CLNK: variants seen among roughly 807,000 people sequenced by gnomAD.
CLNK encodes the protein cytokine dependent hematopoietic cell linker.
CLNK carries 74 observed loss-of-function variants against 68.6 expected under a neutral mutation model. That is an observed-to-expected ratio of 1.08 (90% CI 0.89 to 1.31). The LOEUF (loss-of-function observed/expected upper bound fraction) is 1.31. CLNK is among the 50% of genes most tolerant of loss of function. CLNK has a pLI of 0.00. For missense variants in CLNK, 553 were observed against 515.3 expected (o/e 1.07, Z -0.71); for synonymous variants, 198 against 172.2 (o/e 1.15, Z -1.17).
chr4:10,515,093 C>G (rs1488703537), intron 15 of CLNK, among the ~76,000 whole-genome samples: 1 of 152,054 alleles, frequency 6.6e-6, no homozygotes, highest in Non-Finnish European at 1.5e-5. Context: ...CAAAAATTAT[C>G]CGGGCATGGT....
chr4:10,641,112 G>C (rs10027988), intron 2 of CLNK, among the ~76,000 whole-genome samples: 49,980 of 152,090 alleles, frequency 0.33, 9,521 homozygotes, highest in African/African-American at 0.53. Context: ...CATGTTTAAA[G>C]TTTCTAGCAT....
intron 16 of CLNK, among the ~76,000 whole-genome samples, chr4:10,509,219 A>G (rs1379883024): frequency 6.6e-6 from 1 of 152,190 alleles, no homozygotes; most frequent in East Asian, 1.9e-4. Context: ...TCCACTGGAA[A>G]GTAAACCTGA....
rs563292772 is a variant in CLNK at position 10,658,389 on chromosome 4, C to T, written c.11+9470G>A. Among the ~76,000 whole-genome samples the T allele has an allele frequency of 3.3e-5, 5 of 152,322 alleles. No homozygotes were observed. The East Asian group carries it at 9.6e-4, about 29-fold the overall frequency. Reference sequence around the variant, plus strand: ...GCCAGCCGACAGTATCTGTTCCAGTCATCTGTTGCTGCCTAACACACCACT... The same window carrying T: ...GCCAGCCGACAGTATCTGTTCCAGTTATCTGTTGCTGCCTAACACACCACT... On this transcript the variant is annotated intron_variant, in intron 2 of 18. Coordinates refer to ENST00000226951, the MANE Select transcript of CLNK (RefSeq NM_052964.4).
intron 2 of CLNK, among the ~76,000 whole-genome samples, chr4:10,637,430 TA>T (rs752094762): frequency 8.2e-6 from 1 of 121,334 alleles, no homozygotes; most frequent in East Asian, 2.3e-4. Context: ...TAAGCAACAA[TA>T]AAAAAAGTTT....
intron 3 of CLNK, among the ~76,000 whole-genome samples, chr4:10,587,762 A>T (rs770839758): frequency 3.3e-5 from 5 of 152,198 alleles, no homozygotes; most frequent in South Asian, 4.1e-4. Flanking sequence ...CCCAATCCAC[A>T]GAGCCTCTAA....
At chr4:10,583,522 T>G (rs1423343205) in intron 4 of CLNK, among the ~76,000 whole-genome samples, 1 of 151,598 alleles carries the variant, frequency 6.6e-6, no homozygotes, top group Non-Finnish European at 1.5e-5. Flanking sequence ...CCTGACCTTG[T>G]GATCCGCCTG....
At chr4:10,703,248 A>G in the CLNK span, among the ~76,000 whole-genome samples, 3 of 152,310 alleles carry the variant, frequency 2.0e-5, no homozygotes, top group South Asian at 6.2e-4. Flanking sequence ...TATGAACACT[A>G]AAGAACACTA....
intron 3 of CLNK, among the ~76,000 whole-genome samples, chr4:10,592,379 C>A (rs1394947806): frequency 1.3e-5 from 2 of 152,150 alleles, no homozygotes; most frequent in Non-Finnish European, 2.9e-5. Context: ...ATTTGCCAGA[C>A]ATGTTTTAGC....
intron 1 of CLNK, among the ~76,000 whole-genome samples, chr4:10,677,125 C>CA (rs1724907639): frequency 6.6e-6 from 1 of 151,782 alleles, no homozygotes; most frequent in Admixed American, 6.6e-5. Context: ...GTACTGAAGG[C>CA]AAATTTTAGA....
intron 2 of CLNK, among the ~76,000 whole-genome samples, chr4:10,617,272 C>T (rs1000644857): frequency 1.3e-5 from 2 of 152,148 alleles, no homozygotes; most frequent in Non-Finnish European, 2.9e-5. Context: ...ATTTGTTTAT[C>T]TGTTCTCTAA....
intron 1 of CLNK, among the ~76,000 whole-genome samples, chr4:10,680,121 T>C (rs1282026213): frequency 4.6e-5 from 7 of 152,070 alleles, no homozygotes; most frequent in Admixed American, 4.6e-4. Flanking sequence ...CCAACCTAAA[T>C]GTCCAACAAT....
intron 8 of CLNK, among the ~76,000 whole-genome samples, chr4:10,550,219 C>A (rs137916794): frequency 6.6e-6 from 1 of 152,272 alleles, no homozygotes; most frequent in East Asian, 1.9e-4. Flanking sequence ...ATAGGCCAGG[C>A]GCGGTGGCTC....
At chr4:10,721,278 T>A in the CLNK span, among the ~76,000 whole-genome samples, 25 of 152,246 alleles carry the variant, frequency 1.6e-4, 1 homozygote, top group East Asian at 4.6e-3. Context: ...ATCGACTGCA[T>A]GCCCTGATGG....
At chr4:10,574,386 C>T (rs1720471718) in intron 4 of CLNK, among the ~76,000 whole-genome samples, 1 of 152,190 alleles carries the variant, frequency 6.6e-6, no homozygotes. Context: ...TGCAAGACTC[C>T]TGCTCAGTCA....
intron 2 of CLNK, among the ~76,000 whole-genome samples, chr4:10,614,702 C>T: frequency 6.6e-6 from 1 of 152,198 alleles, no homozygotes; most frequent in East Asian, 1.9e-4. Context: ...TTGATGTGAT[C>T]CCTCTGGGAT....
chr4:10,730,081 G>C, the CLNK span, among the ~76,000 whole-genome samples: 10 of 152,178 alleles, frequency 6.6e-5, no homozygotes. Context: ...CAAAAGATAT[G>C]GCCAGTGGCT....
Position 10,513,449 on chromosome 4 carries a change from G to T in CLNK, c.906+15C>A. On this transcript the variant is annotated intron_variant, in intron 16 of 18. Coordinates refer to ENST00000226951, the MANE Select transcript of CLNK (RefSeq NM_052964.4). Reference sequence around the variant, plus strand: ...AGTACATCTAGAAGGACTTGGCAGAGAAGTGTCTGCTTACCTTTCTATCAG... The same window carrying T: ...AGTACATCTAGAAGGACTTGGCAGATAAGTGTCTGCTTACCTTTCTATCAG... 6.2e-7 allele frequency: 1 copy of T among 1,607,216 alleles called. No homozygotes were observed. Among genetic ancestry groups the T allele is most frequent in the African/African-American group, 1.3e-5 (1 of 74,966 alleles).
intron 2 of CLNK, among the ~76,000 whole-genome samples, chr4:10,618,611 C>T (rs1722317134): frequency 6.6e-6 from 1 of 152,184 alleles, no homozygotes; most frequent in African/African-American, 2.4e-5. Context: ...GTTTAATTGG[C>T]TCACGGTTCT....
chr4:10,614,249 G>A (rs911320135), intron 2 of CLNK, among the ~76,000 whole-genome samples: 1 of 152,198 alleles, frequency 6.6e-6, no homozygotes, highest in African/African-American at 2.4e-5. Context: ...TGTGTGTATG[G>A]TAACTAGCAC....
Sources: allele counts gnomAD v4.1 joint callset (sites outside exome capture counted in the v4.1 genomes callset), GRCh38; gene constraint gnomAD v4.1.1; transcripts MANE v1.5; gene names NCBI Gene and HGNC (gene_info 2026-07-23, HGNC 2026-07-21).